Variants in CEP63 observed in about 807,000 individuals in gnomAD.
CEP63 encodes the protein centrosomal protein 63.
Under a neutral mutation model 89.1 loss-of-function variants are expected in CEP63, and 84 were observed. That is an observed-to-expected ratio of 0.94 (90% CI 0.79 to 1.13). The LOEUF (loss-of-function observed/expected upper bound fraction) is 1.13, where lower values mean the gene tolerates loss of function less well. CEP63 is among the 50% of genes most tolerant of loss of function. The pLI is 0.00. For missense variants in CEP63, 838 were observed against 813.3 expected (o/e 1.03, Z -0.37); for synonymous variants, 267 against 272.5 (o/e 0.98, Z 0.20).
intron 2 of CEP63, among the ~76,000 whole-genome samples, chr3:134,497,048 CT>C (rs1030406192): frequency 6.6e-6 from 1 of 152,082 alleles, no homozygotes; most frequent in African/African-American, 2.4e-5. Flanking sequence ...TTTCATACAC[CT>C]TTTGGCCATT....
intron 14 of CEP63, among the ~76,000 whole-genome samples, chr3:134,560,753 A>G (rs1434258589): frequency 2.6e-5 from 4 of 151,870 alleles, no homozygotes; most frequent in Non-Finnish European, 4.4e-5. Flanking sequence ...GTGTGTGTGT[A>G]TTTGTTGTAT....
the CEP63 span, among the ~76,000 whole-genome samples, chr3:134,737,103 G>T: frequency 1 from 152,302 of 152,336 alleles, 76,134 homozygotes; most frequent in Non-Finnish European, 1. Flanking sequence ...GTTATTTATA[G>T]GGATATAAAG....
intron 10 of CEP63, among the ~76,000 whole-genome samples, chr3:134,583,067 T>G (rs1958399317): frequency 6.6e-6 from 1 of 152,244 alleles, no homozygotes; most frequent in Non-Finnish European, 1.5e-5. Context: ...TCTTTGTAGA[T>G]TCTGGATATT....
the CEP63 span, among the ~76,000 whole-genome samples, chr3:134,777,762 C>T: frequency 0.026 from 3,950 of 151,418 alleles, 179 homozygotes; most frequent in African/African-American, 0.09. Context: ...TACAGGTACA[C>T]GCCACTATGC....
the CEP63 span, among the ~76,000 whole-genome samples, chr3:134,723,992 G>C: frequency 6.6e-6 from 1 of 152,176 alleles, no homozygotes; most frequent in Non-Finnish European, 1.5e-5. Context: ...AAGTGCTGTG[G>C]GTGACATGAA....
chr3:134,608,592 A>G, the CEP63 span: 19 of 1,613,424 alleles, frequency 1.2e-5, no homozygotes, highest in South Asian at 2.0e-4. Flanking sequence ...CTCCTGGAGG[A>G]CAGTGCGAAA....
chr3:134,760,141 C>T, the CEP63 span, among the ~76,000 whole-genome samples: 1 of 150,558 alleles, frequency 6.6e-6, no homozygotes, highest in Non-Finnish European at 1.5e-5. Flanking sequence ...TCACTGCAAG[C>T]TCCGCCTCCC....
At chr3:134,751,842 C>T in the CEP63 span, among the ~76,000 whole-genome samples, 1 of 152,178 alleles carries the variant, frequency 6.6e-6, no homozygotes, top group Admixed American at 6.5e-5. Context: ...CTCTATAAGA[C>T]TCCATGAAAA....
chr3:134,760,420 C>T, the CEP63 span, among the ~76,000 whole-genome samples: 1 of 152,158 alleles, frequency 6.6e-6, no homozygotes, highest in Non-Finnish European at 1.5e-5. Flanking sequence ...ACCTTTATCT[C>T]CATTCTTCAG....
At chr3:134,762,343 T>C in the CEP63 span, among the ~76,000 whole-genome samples, 17 of 152,132 alleles carry the variant, frequency 1.1e-4, no homozygotes, top group African/African-American at 4.1e-4. Flanking sequence ...TCTGGGGCGG[T>C]GTATCAGGTA....
At chr3:134,587,719 C>G (rs1958514515) in exon 11 of CEP63, among the ~76,000 whole-genome samples, 1 of 152,062 alleles carries the variant, frequency 6.6e-6, no homozygotes, top group Admixed American at 6.6e-5. Flanking sequence ...GGGAGAACCA[C>G]TGCTCTCTTT....
the CEP63 span, among the ~76,000 whole-genome samples, chr3:134,596,713 G>A: frequency 6.6e-6 from 1 of 152,202 alleles, no homozygotes; most frequent in Admixed American, 6.5e-5. Flanking sequence ...CCTACTGTGT[G>A]CCGAGGAGCA....
intron 12 of CEP63, chr3:134,552,618 T>C (rs1316963331): frequency 3.3e-5 from 5 of 152,162 alleles, no homozygotes; most frequent in African/African-American, 1.2e-4. Flanking sequence ...TGACACTTAG[T>C]AAGTATGCAA....
chr3:134,625,481 GT>G, the CEP63 span, among the ~76,000 whole-genome samples: 1 of 152,194 alleles, frequency 6.6e-6, no homozygotes, highest in African/African-American at 2.4e-5. Context: ...CCACCATTTG[GT>G]TTTCCGTGGA....
At chr3:134,758,697 C>T in the CEP63 span, among the ~76,000 whole-genome samples, 1 of 152,184 alleles carries the variant, frequency 6.6e-6, no homozygotes, top group Admixed American at 6.5e-5. Flanking sequence ...AAGATAGTCA[C>T]TTCAAGTTCA....
chr3:134,665,702 C>CAGAG, the CEP63 span, among the ~76,000 whole-genome samples: 794 of 102,298 alleles, frequency 7.8e-3, 23 homozygotes, highest in African/African-American at 0.027. Flanking sequence ...CACACACACA[C>CAGAG]AGAGAGAGAG....
the CEP63 span, among the ~76,000 whole-genome samples, chr3:134,725,822 A>C: frequency 6.6e-6 from 1 of 152,166 alleles, no homozygotes; most frequent in African/African-American, 2.4e-5. Flanking sequence ...AGACAAGGAA[A>C]GACCCTGAAC....
chr3:134,767,581 G>A, the CEP63 span, among the ~76,000 whole-genome samples: 1 of 152,162 alleles, frequency 6.6e-6, no homozygotes, highest in Non-Finnish European at 1.5e-5. Flanking sequence ...TGTTTCGCAA[G>A]GAGCCCTGCA....
At chr3:134,487,065 T>G (rs1423317962) in intron 1 of CEP63, among the ~76,000 whole-genome samples, 1 of 152,178 alleles carries the variant, frequency 6.6e-6, no homozygotes, top group East Asian at 1.9e-4. Context: ...GAGCCTTATG[T>G]CTGGTTAAAC....
Sources: allele counts gnomAD v4.1 joint callset (sites outside exome capture counted in the v4.1 genomes callset), GRCh38; gene constraint gnomAD v4.1.1; transcripts MANE v1.5; gene names NCBI Gene and HGNC (gene_info 2026-07-23, HGNC 2026-07-21).